Variants in DLGAP2 observed in about 807,000 individuals in gnomAD.
DLGAP2 encodes disks large-associated protein 2.
A neutral mutation model predicts 100.3 loss-of-function variants in DLGAP2; 26 were observed. The observed-to-expected ratio is 0.26, with a 90% CI of 0.19 to 0.36. The LOEUF is 0.36. Ranked by LOEUF, DLGAP2 falls within the 10% of genes least tolerant of loss-of-function variation. The pLI is 1.00. For synonymous variants in DLGAP2, 886 were observed against 630.1 expected (o/e 1.41, Z -6.08); for missense variants, 1,858 against 1,453.2 (o/e 1.28, Z -4.53).
intron 3 of DLGAP2, among the ~76,000 whole-genome samples, chr8:1,280,663 G>A (rs1366978645): frequency 1.3e-5 from 2 of 152,214 alleles, no homozygotes; most frequent in Non-Finnish European, 2.9e-5. Flanking sequence ...CATGTGAGCA[G>A]GTGCATGGGC....
chr8:1,604,288 A>G (rs1195864737), intron 6 of DLGAP2, among the ~76,000 whole-genome samples: 2 of 152,166 alleles, frequency 1.3e-5, no homozygotes, highest in Non-Finnish European at 2.9e-5. Flanking sequence ...CACCAGGGAG[A>G]GATGTTTCAC....
intron 3 of DLGAP2, among the ~76,000 whole-genome samples, chr8:1,415,188 C>T (rs1253565218): frequency 1.3e-5 from 2 of 152,214 alleles, no homozygotes; most frequent in African/African-American, 4.8e-5. Context: ...TGGGCTGTGT[C>T]TATCTTTAAT....
chr8:1,341,069 C>G (rs537015526), intron 3 of DLGAP2, among the ~76,000 whole-genome samples: 50 of 152,158 alleles, frequency 3.3e-4, no homozygotes, highest in African/African-American at 1.1e-3. Flanking sequence ...ACAACACACA[C>G]TGGGACCTGT....
chr8:1,183,020 T>A (rs914658247), intron 2 of DLGAP2, among the ~76,000 whole-genome samples: 4 of 152,120 alleles, frequency 2.6e-5, no homozygotes, highest in Non-Finnish European at 5.9e-5. Flanking sequence ...TCACTGCCAG[T>A]GCGGGGAACG....
chr8:1,131,073 A>G (rs934332143), intron 2 of DLGAP2, among the ~76,000 whole-genome samples: 5 of 152,216 alleles, frequency 3.3e-5, no homozygotes, highest in East Asian at 1.9e-4. Flanking sequence ...GAGAAAAAAC[A>G]TGTTTGTTTT....
intron 3 of DLGAP2, among the ~76,000 whole-genome samples, chr8:1,370,694 C>A (rs940192629): frequency 6.6e-6 from 1 of 152,216 alleles, no homozygotes; most frequent in African/African-American, 2.4e-5. Context: ...TCACCCCAGA[C>A]AACCGCTCCA....
intron 2 of DLGAP2, among the ~76,000 whole-genome samples, chr8:960,863 G>C (rs145811672): frequency 1.3e-5 from 2 of 152,256 alleles, no homozygotes; most frequent in African/African-American, 4.8e-5. Context: ...ACTTACGATG[G>C]GGTTATGTCC....
At chr8:983,466 C>T (rs898816351) in intron 2 of DLGAP2, among the ~76,000 whole-genome samples, 11 of 152,072 alleles carry the variant, frequency 7.2e-5, no homozygotes, top group African/African-American at 2.4e-4. Flanking sequence ...TCTTCTATCC[C>T]TTAGAATCCA....
At chr8:1,589,690 C>T (rs1474537496) in intron 6 of DLGAP2, among the ~76,000 whole-genome samples, 1 of 152,190 alleles carries the variant, frequency 6.6e-6, no homozygotes, top group East Asian at 1.9e-4. Flanking sequence ...TCAAGCAATC[C>T]ACCCGCCCAA....
intron 2 of DLGAP2, among the ~76,000 whole-genome samples, chr8:995,547 A>G (rs1448838579): frequency 3.9e-5 from 6 of 152,284 alleles, no homozygotes; most frequent in African/African-American, 9.6e-5. Flanking sequence ...AGCCCTTCCA[A>G]ATAGAATTTG....
chr8:1,496,573 G>A (rs1037722277), intron 3 of DLGAP2, among the ~76,000 whole-genome samples: 7 of 152,160 alleles, frequency 4.6e-5, no homozygotes, highest in Non-Finnish European at 8.8e-5. Flanking sequence ...AGCAAAGGAA[G>A]GCAAACGTGG....
intron 2 of DLGAP2, among the ~76,000 whole-genome samples, chr8:994,699 G>A (rs879346436): frequency 2.6e-5 from 4 of 152,168 alleles, no homozygotes; most frequent in Non-Finnish European, 4.4e-5. Flanking sequence ...AGGAGATGGC[G>A]TGATCCATCA....
intron 6 of DLGAP2, among the ~76,000 whole-genome samples, chr8:1,588,764 G>GA (rs1475002160): frequency 7.6e-6 from 1 of 132,200 alleles, no homozygotes; most frequent in Admixed American, 8.0e-5. Context: ...AAAAAAAAAG[G>GA]AAAAAAAATT....
intron 8 of DLGAP2, among the ~76,000 whole-genome samples, chr8:1,665,896 C>A (rs1001526870): frequency 1.3e-4 from 20 of 152,244 alleles, no homozygotes; most frequent in African/African-American, 3.9e-4. Flanking sequence ...TCGATGAGCC[C>A]TCCTCACATC....
chr8:802,001 C>T (rs1349913008), intron 1 of DLGAP2, among the ~76,000 whole-genome samples: 2 of 143,832 alleles, frequency 1.4e-5, no homozygotes, highest in African/African-American at 5.2e-5. Context: ...GTCCTCACAG[C>T]CTGAGGAACA....
At chr8:1,006,042 A>G (rs1801099720) in intron 2 of DLGAP2, among the ~76,000 whole-genome samples, 1 of 152,108 alleles carries the variant, frequency 6.6e-6, no homozygotes, top group South Asian at 2.1e-4. Context: ...TACAAAAATT[A>G]GCTGGGTGTG....
At chr8:1,651,531 G>A (rs552585145) in intron 8 of DLGAP2, among the ~76,000 whole-genome samples, 4 of 152,268 alleles carry the variant, frequency 2.6e-5, no homozygotes, top group Non-Finnish European at 4.4e-5. Context: ...CAGGGGCAGC[G>A]GGCATAGCTC....
intron 3 of DLGAP2, among the ~76,000 whole-genome samples, chr8:1,414,472 C>G (rs561883191): frequency 6.6e-6 from 1 of 152,314 alleles, no homozygotes; most frequent in East Asian, 1.9e-4. Flanking sequence ...GAGGGACTGA[C>G]CAGGCCGGGG....
intron 1 of DLGAP2, among the ~76,000 whole-genome samples, chr8:848,982 CCTGTTCCA>C (rs1797127373): frequency 6.6e-6 from 1 of 151,300 alleles, no homozygotes; most frequent in Non-Finnish European, 1.5e-5. Context: ...TCGTGAGGTG[CCTGTTCCA>C]GCATAGGATC....
Sources: allele counts gnomAD v4.1 joint callset (sites outside exome capture counted in the v4.1 genomes callset), GRCh38; gene constraint gnomAD v4.1.1; transcripts MANE v1.5; gene names NCBI Gene and HGNC (gene_info 2026-07-23, HGNC 2026-07-21).